Variants in CLSPN observed in about 807,000 individuals in gnomAD.
The protein encoded by CLSPN is claspin homolog.
A neutral mutation model predicts 156.3 loss-of-function variants in CLSPN; 85 were observed. The ratio of observed to expected loss-of-function variants is 0.54; its 90% CI spans 0.46 to 0.65. The LOEUF is 0.65. Among genes scored for constraint, CLSPN ranks in the 30% least tolerant of loss-of-function variants. The pLI is 0.00. For synonymous variants in CLSPN, 534 were observed against 542.4 expected (o/e 0.98, Z 0.22); for missense variants, 1,407 against 1,554.9 (o/e 0.90, Z 1.60).
At position 35,733,076 on chromosome 1, in the gene CLSPN, T is replaced by C. The variant is rs910316302; in HGVS notation, c.*3420A>G. The C allele has an allele frequency of 2.3e-6, 1 of 442,012 alleles. No homozygotes were observed. Among genetic ancestry groups the C allele is most frequent in the Non-Finnish European group, 3.0e-6 (1 of 333,918 alleles). 27.4% of individuals were successfully genotyped at this position (442,012 alleles called of 1,614,324 possible). ...GCCTCCCAGGTTCAAGCAATTCTCT[T>C]GTCTCAGCCTCCCAAGTAGCTGGGA... is the stretch of plus-strand genomic sequence containing the variant. On this transcript the variant is annotated 3_prime_UTR_variant, in exon 25 of 25. Transcript: ENST00000318121.
chr1:35,738,569 C>A lies in CLSPN; in HGVS notation c.3444G>T (p.Gln1148His). 6.2e-7 allele frequency: 1 copy of A among 1,614,004 alleles called. No individual in the cohort carries two copies. Among genetic ancestry groups the A allele is most frequent in the South Asian group, 1.1e-5 (1 of 91,080 alleles). Residue 1148 changes from glutamine (Q) to histidine (H), a missense_variant, in exon 21 of 25, where the codon CAG (glutamine) becomes CAT (histidine). Gln to His is a conservative substitution (Grantham distance 24, BLOSUM62 0). Transcript: ENST00000318121. Reference sequence around the variant, plus strand: ...CAGAGTCTCTGTGGAACAAGTCCATCTGGGAAGCATCATCTAAACAAAGAG... The same window carrying A: ...CAGAGTCTCTGTGGAACAAGTCCATATGGGAAGCATCATCTAAACAAAGAG... ...FRWKNIDDAS[Q>H]MDLFHRDSDD...
In CLSPN at chr1:35,765,310, T is replaced by C. The variant is rs116288809; in HGVS notation, c.41A>G (p.Asn14Ser). 4.1e-4 allele frequency: 659 copies of C among 1,613,184 alleles called. 5 individuals are homozygous for C. The African/African-American group carries it at 7.3e-3, about 18-fold the overall frequency. ...CTCTTGTGAAATGACGTTTGGGTCA[T>C]TGATTTCTAGGTGAACCTAGAAAAT... ...EVGSEVHLEI[N>S]DPNVISQEEA... is the part of the protein sequence containing the mutation. The change falls in exon 2 of 25, where the codon AAT (asparagine) becomes AGT (serine). Residue 14 changes from asparagine (N) to serine (S), a missense_variant. By Grantham distance (46) the Asn-to-Ser change is conservative. This residue lies in a region of CLSPN where 1,096 missense variants were observed against 1,193.0 expected (regional missense o/e 0.92). Coordinates refer to ENST00000318121, the MANE Select transcript of CLSPN (RefSeq NM_022111.4).
intron 17 of CLSPN, 56 bp downstream of exon 17, chr1:35,743,399 T>G (rs1641762718): frequency 2.7e-6 from 4 of 1,487,322 alleles, no homozygotes; most frequent in Non-Finnish European, 3.7e-6. Flanking sequence ...AAAAAACACT[T>G]GAGGGCAGCA....
In CLSPN at chr1:35,749,505, T is replaced by A; in HGVS notation, c.2234A>T (p.Glu745Val). The change falls in exon 12 of 25, where the codon GAA becomes GTA. Residue 745 changes from glutamate (E) to valine (V), a missense_variant. Physicochemically the swap from Glu to Val is moderately radical, Grantham distance 121. Coordinates refer to ENST00000318121, the MANE Select transcript of CLSPN (RefSeq NM_022111.4). Reference protein sequence around the residue: ...MGYFPTEEKSETDENSGKQPS... With the variant: ...MGYFPTEEKSVTDENSGKQPS... ...CTGCTTGCCTGAGTTTTCATCTGTT[T>A]CTGATTTTTCTTCAGTAGGAAAGTA... The A allele has an allele frequency of 1.2e-6, 2 of 1,614,162 alleles. No homozygotes were observed. The highest frequency in any genetic ancestry group is 2.2e-5 in the East Asian group (1 of 44,870).
At chr1:35,743,600 G>A in intron 16 of CLSPN, 70 bp from the exon 17 acceptor site, 8 of 1,269,600 alleles carry the variant, frequency 6.3e-6, no homozygotes, top group Admixed American at 4.1e-5. Flanking sequence ...GCCAAGTTAT[G>A]AATTAAAAAA....
In CLSPN at chr1:35,746,412, A is replaced by G. The variant is rs1367111866; in HGVS notation, c.2854+354T>C. On this transcript the variant is annotated intron_variant, in intron 15 of 24. Transcript: ENST00000318121. This position sits in a 1 kb window ranked among gnomAD's most constrained non-coding sequence, Gnocchi z 4.2. Reference sequence around the variant, plus strand: ...TTCTTTTCTTTCTTTCTTTTTTTCTATTTTTATGCAGGGTCTCTGCCACCC... The same window carrying G: ...TTCTTTTCTTTCTTTCTTTTTTTCTGTTTTTATGCAGGGTCTCTGCCACCC... 6.7e-6 allele frequency among the ~76,000 whole-genome samples: 1 copy of G among 148,426 alleles called. No homozygotes were observed. Among genetic ancestry groups the G allele is most frequent in the Non-Finnish European group, 1.5e-5 (1 of 66,762 alleles).
In CLSPN at chr1:35,732,643, A is replaced by G. The variant is rs933061608; in HGVS notation, c.*3853T>C. ...AAAACACTGACACTGAGCCTACCCT[A>G]TCTCCCACACTCATGGGCTCTCATC... is the stretch of plus-strand genomic sequence containing the variant. On this transcript the variant is annotated 3_prime_UTR_variant, in exon 25 of 25. Coordinates refer to ENST00000318121, the MANE Select transcript of CLSPN (RefSeq NM_022111.4). 9.1e-6 allele frequency: 9 copies of G among 985,444 alleles called. No homozygotes were observed. Among genetic ancestry groups the G allele is most frequent in the Non-Finnish European group, 1.1e-5 (9 of 829,934 alleles). The allele number at this position is 985,444 out of a possible 1,614,324, so 61.0% of individuals were successfully genotyped here.
intron 14 of CLSPN, among the ~76,000 whole-genome samples, chr1:35,747,240 TG>T (rs1416558468): frequency 6.6e-6 from 1 of 151,766 alleles, no homozygotes; most frequent in Non-Finnish European, 1.5e-5. Context: ...GAGAAGGGCG[TG>T]AACCCAGGAG....
intron 24 of CLSPN, among the ~76,000 whole-genome samples, chr1:35,722,615 A>G (rs983962483): frequency 1.3e-4 from 19 of 151,966 alleles, no homozygotes; most frequent in Non-Finnish European, 7.4e-5. Context: ...AAAGGAAATC[A>G]GATTGTAGTC....
chr1:35,769,726 C>T, intron 1 of CLSPN, 121 bp downstream of exon 1: 1 of 942,318 alleles, frequency 1.1e-6, no homozygotes, highest in Non-Finnish European at 1.5e-6. Flanking sequence ...GCGCGGCGAA[C>T]GCCGGGAGCC....
chr1:35,744,087 G>C (rs561445236), intron 16 of CLSPN, among the ~76,000 whole-genome samples: 1 of 152,184 alleles, frequency 6.6e-6, no homozygotes, highest in Non-Finnish European at 1.5e-5. Flanking sequence ...GCAATCTCCA[G>C]AACTCTTTTC....
intron 8 of CLSPN, among the ~76,000 whole-genome samples, chr1:35,758,339 T>C (rs544867792): frequency 3.6e-4 from 55 of 152,100 alleles, no homozygotes; most frequent in African/African-American, 1.3e-3. Flanking sequence ...CCACTGACTA[T>C]GCTTGGTTTA....
In CLSPN at chr1:35,769,933, G is replaced by T; in HGVS notation, c.-63C>A. 6.3e-7 allele frequency: 1 copy of T among 1,582,372 alleles called. No homozygotes were observed. Among genetic ancestry groups the T allele is most frequent in the Non-Finnish European group, 8.6e-7 (1 of 1,159,248 alleles). The stretch of plus-strand genomic sequence containing the variant: ...TGTCTCTGATTCCCTCAGCCGGAGA[G>T]CAGCGGCTCCCGCCGTCTCCAGCCC... On this transcript the variant is annotated 5_prime_UTR_variant, in exon 1 of 25. Coordinates refer to ENST00000318121, the MANE Select transcript of CLSPN (RefSeq NM_022111.4).
At chr1:35,725,402 A>G (rs1299202100) in intron 24 of CLSPN, among the ~76,000 whole-genome samples, 1 of 152,180 alleles carries the variant, frequency 6.6e-6, no homozygotes, top group East Asian at 1.9e-4. Context: ...AGTGCCCACA[A>G]CAGAGGGAGT....
At chr1:35,720,972 T>A (rs917938868) in exon 25 of CLSPN, 3 of 1,608,616 alleles carry the variant, frequency 1.9e-6, no homozygotes, top group Non-Finnish European at 2.5e-6. Flanking sequence ...AGTCCTTCTC[T>A]GGGATCTTCT....
At position 35,746,165 on chromosome 1, in the gene CLSPN, C is replaced by A. The variant is rs1166289452; in HGVS notation, c.2854+601G>T. ...TTCACCGTGCTGCCCAGGCTGGTGG[C>A]GAACTCCTGAGCTCAGGAAATCCCC... On this transcript the variant is annotated intron_variant, in intron 15 of 24. Coordinates refer to ENST00000318121, the MANE Select transcript of CLSPN (RefSeq NM_022111.4). This position sits in a 1 kb window ranked among gnomAD's most constrained non-coding sequence, Gnocchi z 4.2. 6.6e-6 allele frequency among the ~76,000 whole-genome samples: 1 copy of A among 151,934 alleles called. No homozygotes were observed. Among genetic ancestry groups the A allele is most frequent in the Non-Finnish European group, 1.5e-5 (1 of 67,994 alleles).
chr1:35,743,310 A>C, intron 17 of CLSPN, 69 bp from the exon 18 acceptor site: 1 of 1,410,406 alleles, frequency 7.1e-7, no homozygotes, highest in Non-Finnish European at 1.0e-6. Flanking sequence ...AGGATTTATA[A>C]ACATCTGCCC....
chr1:35,751,524 G>C lies in CLSPN; in HGVS notation c.1772-18C>G. On this transcript the variant is annotated intron_variant, in intron 9 of 24. Transcript: ENST00000318121. Reference sequence around the variant, plus strand: ...CTTTTCACCTGAACAGAAATATGTAGAAATGCTTTAGACATAATACAATAA... The same window carrying C: ...CTTTTCACCTGAACAGAAATATGTACAAATGCTTTAGACATAATACAATAA... 2 of 1,607,070 alleles carry C rather than the reference G, an allele frequency of 1.2e-6. No individual in the cohort carries two copies. Among genetic ancestry groups the C allele is most frequent in the Non-Finnish European group, 1.7e-6 (2 of 1,177,746 alleles).
Position 35,732,295 on chromosome 1 carries a change from C to G in CLSPN, c.*4201G>C, listed in dbSNP as rs979023036. ...CTCCTCTATCCTTAGGAGCACAAAT[C>G]CCAGGACAGGATGCCACAAGAGTGA... On this transcript the variant is annotated 3_prime_UTR_variant, in exon 25 of 25. Coordinates refer to ENST00000318121, the MANE Select transcript of CLSPN (RefSeq NM_022111.4). 3 of 985,228 alleles carry G rather than the reference C, an allele frequency of 3.0e-6. No individual in the cohort carries two copies. Among genetic ancestry groups the G allele is most frequent in the South Asian group, 4.7e-5 (1 of 21,292 alleles). 61.0% of individuals were successfully genotyped at this position (985,228 alleles called of 1,614,324 possible).
Sources: allele counts gnomAD v4.1 joint callset (sites outside exome capture counted in the v4.1 genomes callset), GRCh38; gene constraint gnomAD v4.1.1; regional missense constraint gnomAD v4.1.1; non-coding constraint Gnocchi (gnomAD v3.1); transcripts MANE v1.5; gene names NCBI Gene and HGNC (gene_info 2026-07-23, HGNC 2026-07-21).